The following ZFYVE27 variants were observed in gnomAD, a reference collection of about 807,000 sequenced individuals.
The protein encoded by ZFYVE27 is zinc finger FYVE-type containing 27, also known as protrudin.
In ZFYVE27, 36 loss-of-function variants were observed where a neutral mutation model predicts 52.8. The observed-to-expected ratio is 0.68, with a 90% CI of 0.52 to 0.90. The LOEUF is 0.90. ZFYVE27 is among the 40% of genes least tolerant of loss of function. ZFYVE27 has a pLI of 0.00. For missense variants in ZFYVE27, 450 were observed against 527.2 expected, an observed-to-expected ratio of 0.85 and a Z score of 1.43; for synonymous variants, 223 against 215.6, an observed-to-expected ratio of 1.03 and a Z score of -0.30.
chr10:97,753,076 G>A lies in ZFYVE27; in HGVS notation c.936G>A (p.Glu312=), dbSNP rs747657109. Residue 312 remains glutamate, a synonymous_variant, in exon 10 of 13, where the codon GAG becomes GAA. Coordinates refer to ENST00000684270, the MANE Select transcript of ZFYVE27 (RefSeq NM_001385875.1). Reference sequence around the variant, plus strand: ...GCGCCCCGTGCCCAGCAGAGGATGAGCTGGCCCTGCAGGACAACGGGTTCC... The same window carrying A: ...GCGCCCCGTGCCCAGCAGAGGATGAACTGGCCCTGCAGGACAACGGGTTCC... ...DEGAPCPAED[E]LALQDNGFLS... 3.9e-5 allele frequency: 63 copies of A among 1,611,772 alleles called. No individual in the cohort carries two copies. The South Asian group carries it at 6.6e-4, about 17-fold the overall frequency.
chr10:97,754,110 G>C (rs1347086600), intron 10 of ZFYVE27, among the ~76,000 whole-genome samples: 1 of 152,168 alleles, frequency 6.6e-6, no homozygotes, highest in Non-Finnish European at 1.5e-5. Context: ...GGGCAGTACT[G>C]TGTGTTCTGG....
At chr10:97,756,008 C>T (rs962390017) in intron 10 of ZFYVE27, among the ~76,000 whole-genome samples, 2 of 152,178 alleles carry the variant, frequency 1.3e-5, no homozygotes, top group Admixed American at 6.5e-5. Flanking sequence ...TGAGTGGGTT[C>T]ACAGCTGTCT....
chr10:97,743,134 C>G lies in ZFYVE27; in HGVS notation c.238C>G (p.Leu80Val), dbSNP rs145356389. The change falls in exon 3 of 13, where the codon CTC becomes GTC. Residue 80 changes from leucine (L) to valine (V), a missense_variant. Coordinates refer to ENST00000684270, the MANE Select transcript of ZFYVE27 (RefSeq NM_001385875.1). The part of the protein sequence containing the change: ...PLCSLLTCLG[L>V]NVLFLTLNEG... ...GTGTTCCTTGCTGACCTGCCTGGGC[C>G]TCAACGTCTTGTTCCTCACTTTGAA... 6.2e-7 allele frequency: 1 copy of G among 1,614,188 alleles called. No homozygotes were observed. The highest frequency in any genetic ancestry group is 1.7e-5 in the Admixed American group (1 of 60,026).
chr10:97,755,262 C>T (rs557086547), intron 10 of ZFYVE27, among the ~76,000 whole-genome samples: 9 of 152,380 alleles, frequency 5.9e-5, no homozygotes, highest in Non-Finnish European at 1.0e-4. Context: ...TGTAGCAGCT[C>T]TGCTCCTGCG....
rs368843694 is a variant in ZFYVE27, at chr10:97,749,930, C to G, written c.664+344C>G. On this transcript the variant is annotated intron_variant, in intron 6 of 12. Transcript: ENST00000684270. Reference sequence around the variant, plus strand: ...CCTGGGGTGCAGCCACCTGGAGTTGCTACCACATCTCTGTGTGATCCCAGA... The same window carrying G: ...CCTGGGGTGCAGCCACCTGGAGTTGGTACCACATCTCTGTGTGATCCCAGA... 4 of 417,432 alleles carry G rather than the reference C, an allele frequency of 9.6e-6. No homozygotes were observed. The Admixed American group carries it at 1.1e-4, about 11-fold the overall frequency. 25.9% of individuals were successfully genotyped at this position (417,432 alleles called of 1,614,324 possible). A position where few individuals can be genotyped will look rare whatever the true frequency, so the allele number is the denominator to read the frequency against.
chr10:97,743,016 C>G, intron 2 of ZFYVE27, 78 bp from the exon 3 acceptor site: 1 of 1,492,668 alleles, frequency 6.7e-7, no homozygotes. Context: ...GGTTTGATGT[C>G]CCGTCTGTGC....
chr10:97,752,976 C>T (rs998857978), intron 9 of ZFYVE27, 62 bp from the exon 10 acceptor site: 6 of 1,612,838 alleles, frequency 3.7e-6, no homozygotes, highest in Admixed American at 1.7e-5. Context: ...CAGGATGCCT[C>T]TGCACACGGG....
intron 2 of ZFYVE27, among the ~76,000 whole-genome samples, chr10:97,740,714 C>T (rs1238280268): frequency 3.9e-5 from 6 of 152,168 alleles, no homozygotes; most frequent in Non-Finnish European, 5.9e-5. Flanking sequence ...GGAGAGGGAG[C>T]ACTGGTCCAT....
intron 3 of ZFYVE27, 134 bp from the exon 4 acceptor site, chr10:97,744,595 G>A: frequency 9.9e-7 from 1 of 1,008,238 alleles, no homozygotes; most frequent in South Asian, 1.4e-5. Context: ...GAGACACTGT[G>A]TCGTACAGAG....
At chr10:97,739,885 G>GTTTT (rs34955180) in intron 2 of ZFYVE27, among the ~76,000 whole-genome samples, 1 of 137,268 alleles carries the variant, frequency 7.3e-6, no homozygotes, top group Admixed American at 7.3e-5. Flanking sequence ...TTAGAAAAGT[G>GTTTT]TTTTTTTTTT....
At chr10:97,746,828 C>T (rs2045569515) in intron 4 of ZFYVE27, among the ~76,000 whole-genome samples, 1 of 151,878 alleles carries the variant, frequency 6.6e-6, no homozygotes, top group African/African-American at 2.4e-5. Flanking sequence ...TAGCTGGGAC[C>T]ACAGGCACAT....
chr10:97,751,714 G>T (rs1037310325), intron 8 of ZFYVE27, among the ~76,000 whole-genome samples: 1 of 152,212 alleles, frequency 6.6e-6, no homozygotes, highest in Non-Finnish European at 1.5e-5. Context: ...GGAGCTGGAC[G>T]ATTTCTGGCC....
intron 10 of ZFYVE27, among the ~76,000 whole-genome samples, chr10:97,754,528 T>A (rs1486266656): frequency 6.6e-6 from 1 of 152,146 alleles, no homozygotes; most frequent in Non-Finnish European, 1.5e-5. Context: ...TTCCTCAGGC[T>A]GGTCTTGAAC....
rs1405750745 is a variant in ZFYVE27, at chr10:97,753,053, G to A, written c.913G>A (p.Ala305Thr). 1.7e-5 allele frequency: 27 copies of A among 1,611,716 alleles called. No individual in the cohort carries two copies. The highest frequency in any genetic ancestry group is 2.2e-5 in the Non-Finnish European group (26 of 1,179,172). Residue 305 changes from alanine to threonine, a missense_variant, in exon 10 of 13, where the codon GCC becomes ACC. By Grantham distance (58) the Ala-to-Thr change is moderately conservative (BLOSUM62 0). Transcript: ENST00000684270. Reference protein sequence around the residue: ...HLVVLEDDEGAPCPAEDELAL... With the variant: ...HLVVLEDDEGTPCPAEDELAL... ...GTTCCCACAGGAGGATGATGAGGGCGCCCCGTGCCCAGCAGAGGATGAGCT... is the reference window on the plus strand; with the variant it reads ...GTTCCCACAGGAGGATGATGAGGGCACCCCGTGCCCAGCAGAGGATGAGCT...
intron 8 of ZFYVE27, among the ~76,000 whole-genome samples, chr10:97,752,386 T>A (rs976903389): frequency 6.6e-6 from 1 of 152,162 alleles, no homozygotes; most frequent in Non-Finnish European, 1.5e-5. Flanking sequence ...AAAAGATTGC[T>A]CCAAAACTTT....
Position 97,750,399 on chromosome 10 carries a change from A to C in ZFYVE27, c.733A>C (p.Ser245Arg). The change falls in exon 7 of 13, where the codon AGT becomes CGT. Residue 245 changes from serine (S) to arginine (R), a missense_variant. Coordinates refer to ENST00000684270, the MANE Select transcript of ZFYVE27 (RefSeq NM_001385875.1). ...AAAGCAGGAAGAGCATGCCTTTGAG[A>C]GTCCTCCACCACCAGATGTTGGGGG... ...NPKQEEHAFESPPPPDVGGKD... is the reference protein window; with the variant it reads ...NPKQEEHAFERPPPPDVGGKD... The C allele has an allele frequency of 1.2e-6, 2 of 1,614,154 alleles. No individual in the cohort carries two copies. The highest frequency in any genetic ancestry group is 1.7e-6 in the Non-Finnish European group (2 of 1,180,038).
At chr10:97,749,334 T>C in intron 5 of ZFYVE27, 140 bp from the exon 6 acceptor site, 1 of 729,310 alleles carries the variant, frequency 1.4e-6, no homozygotes, top group Non-Finnish European at 2.5e-6. Context: ...CATTTTCCGC[T>C]GGTTTGATGA....
At position 97,757,677 on chromosome 10, in the gene ZFYVE27, T is replaced by C; in HGVS notation, c.1125T>C (p.Ser375=). ...SCSNCGNSFC[S]RCCSFKVPKS... ...GTAATTGTGGAAACAGCTTCTGCTC[T>C]CGATGCTGCTCCTTCAAGGTGCCCA... The change falls in exon 12 of 13, where the codon TCT becomes TCC. Residue 375 remains serine, a synonymous_variant. Transcript: ENST00000684270. The C allele has an allele frequency of 6.2e-7, 1 of 1,614,220 alleles. No individual in the cohort carries two copies. Among genetic ancestry groups the C allele is most frequent in the Non-Finnish European group, 8.5e-7 (1 of 1,180,040 alleles).
Position 97,748,348 on chromosome 10 carries a change from C to G in ZFYVE27, c.535C>G (p.Pro179Ala), listed in dbSNP as rs2046008540. The change falls in exon 5 of 13, where the codon CCC becomes GCC. Residue 179 changes from proline (P) to alanine (A), a missense_variant. Pro to Ala is a conservative substitution (Grantham distance 27). Transcript: ENST00000684270. ...AAYRVLHWEN[P>A]VVSSQFYGAL... The stretch of plus-strand genomic sequence containing the variant: ...CTACCGCGTGCTGCACTGGGAGAAC[C>G]CCGTCGTGTCCTCACAGTGAGTGAC... The G allele has an allele frequency of 2.5e-6, 4 of 1,614,006 alleles. No homozygotes were observed. Among genetic ancestry groups the G allele is most frequent in the Non-Finnish European group, 3.4e-6 (4 of 1,180,018 alleles).
Sources: gnomAD v4.1 joint callset for allele counts (sites outside exome capture counted in the v4.1 genomes callset) on GRCh38, gnomAD v4.1.1 for gene constraint, MANE v1.5 for transcripts, NCBI Gene and HGNC (gene_info 2026-07-23, HGNC 2026-07-21) for gene names.